The following THSD4 variants were observed in gnomAD, a reference collection of about 807,000 sequenced individuals.
THSD4 encodes thrombospondin type 1 domain containing 4.
A neutral mutation model predicts 119.0 loss-of-function variants in THSD4; 69 were observed. The observed-to-expected ratio is 0.58, with a 90% confidence interval of 0.48 to 0.71. The LOEUF is 0.71. Ranked by LOEUF, THSD4 falls within the 30% of genes least tolerant of loss-of-function variation. The pLI, the probability that THSD4 is intolerant of heterozygous loss-of-function variation, is 0.00. For missense variants in THSD4, 1,393 were observed against 1,391.1 expected, an observed-to-expected ratio of 1.00 and a Z score of -0.02; for synonymous variants, 524 against 540.4, an observed-to-expected ratio of 0.97 and a Z score of 0.42.
At chr15:71,444,396 C>T (rs1173008460) in intron 7 of THSD4, among the ~76,000 whole-genome samples, 1 of 152,198 alleles carries the variant, frequency 6.6e-6, no homozygotes, top group Non-Finnish European at 1.5e-5. Flanking sequence ...CTTCTACAGC[C>T]ACTGGTGTCA....
intron 6 of THSD4, among the ~76,000 whole-genome samples, chr15:71,260,487 C>G (rs984960234): frequency 7.2e-5 from 11 of 152,024 alleles, no homozygotes; most frequent in Non-Finnish European, 1.6e-4. Flanking sequence ...GAGCATTATT[C>G]ATTGGTGGAT....
intron 7 of THSD4, among the ~76,000 whole-genome samples, chr15:71,412,724 A>C (rs114499096): frequency 1.3e-5 from 2 of 152,172 alleles, no homozygotes; most frequent in Non-Finnish European, 2.9e-5. Flanking sequence ...GTTATTTGTG[A>C]GCACAACCTA....
At chr15:71,571,945 T>C (rs2049366853) in intron 7 of THSD4, among the ~76,000 whole-genome samples, 1 of 152,232 alleles carries the variant, frequency 6.6e-6, no homozygotes, top group South Asian at 2.1e-4. Context: ...TTCTTCAGCA[T>C]CTTAGAAGAG....
At chr15:71,186,460 A>C (rs2043604557) in intron 3 of THSD4, 1 of 152,224 alleles carries the variant, frequency 6.6e-6, no homozygotes. Flanking sequence ...CCACTTAATT[A>C]GATAATGTTC....
At chr15:71,699,747 A>G (rs956608342) in intron 8 of THSD4, among the ~76,000 whole-genome samples, 2 of 152,224 alleles carry the variant, frequency 1.3e-5, no homozygotes, top group Non-Finnish European at 2.9e-5. Context: ...TTTCGTGGCC[A>G]GTCTCATCAG....
chr15:71,277,289 C>G (rs527899187), intron 6 of THSD4, among the ~76,000 whole-genome samples: 1 of 152,198 alleles, frequency 6.6e-6, no homozygotes, highest in East Asian at 1.9e-4. Flanking sequence ...CCACGCCCAC[C>G]TAATGTTTGT....
intron 6 of THSD4, among the ~76,000 whole-genome samples, chr15:71,319,410 C>A (rs2045236934): frequency 6.9e-6 from 1 of 144,836 alleles, no homozygotes; most frequent in Non-Finnish European, 1.5e-5. Flanking sequence ...CCCCCCACCC[C>A]ACAACAGGTC....
In THSD4 at chr15:71,189,526, C is replaced by T. The variant is rs562044093; in HGVS notation, c.100-25509C>T. On this transcript the variant is annotated intron_variant, in intron 3 of 17. Transcript: ENST00000261862. ...TCTACTAAAAATACAAAAAATTAGC[C>T]AGGCGCAGTGGCGGGCACCTGCAGT... Among the ~76,000 whole-genome samples the T allele has an allele frequency of 3.9e-5, 6 of 152,190 alleles. No individual in the cohort carries two copies. The East Asian group carries it at 1.2e-3, about 30-fold the overall frequency.
chr15:71,530,482 T>C (rs2048591139), intron 7 of THSD4, among the ~76,000 whole-genome samples: 2 of 152,290 alleles, frequency 1.3e-5, no homozygotes, highest in South Asian at 2.1e-4. Context: ...GCAGTGGTTT[T>C]TGGGTGTGAG....
chr15:71,572,510 G>T (rs1186644931), intron 7 of THSD4, among the ~76,000 whole-genome samples: 4 of 152,148 alleles, frequency 2.6e-5, no homozygotes, highest in Admixed American at 2.6e-4. Context: ...CACTGGGCTG[G>T]CTCTAGGGTA....
chr15:71,671,356 T>C (rs1409690183), intron 8 of THSD4, among the ~76,000 whole-genome samples: 1 of 152,252 alleles, frequency 6.6e-6, no homozygotes, highest in Non-Finnish European at 1.5e-5. Flanking sequence ...GGAAATTTGT[T>C]TAAGTTCTTT....
intron 6 of THSD4, among the ~76,000 whole-genome samples, chr15:71,363,024 G>T (rs1267054091): frequency 6.6e-6 from 1 of 151,074 alleles, no homozygotes; most frequent in Non-Finnish European, 1.5e-5. Context: ...TTTTAAGAAA[G>T]CTCTTGAATT....
intron 7 of THSD4, among the ~76,000 whole-genome samples, chr15:71,576,033 C>G (rs974577917): frequency 2.0e-5 from 3 of 151,670 alleles, no homozygotes; most frequent in Non-Finnish European, 2.9e-5. Flanking sequence ...GAGATTATGT[C>G]CTCTGCAGTT....
At chr15:71,500,150 A>G (rs1215653043) in intron 7 of THSD4, among the ~76,000 whole-genome samples, 1 of 151,968 alleles carries the variant, frequency 6.6e-6, no homozygotes, top group African/African-American at 2.4e-5. Context: ...GCTTGTTATT[A>G]TCTATTTTTT....
chr15:71,328,669 A>C (rs1253591767), intron 6 of THSD4, among the ~76,000 whole-genome samples: 1 of 152,180 alleles, frequency 6.6e-6, no homozygotes, highest in Non-Finnish European at 1.5e-5. Context: ...GAAAAAGTCC[A>C]CTTTCCATGG....
intron 17 of THSD4, among the ~76,000 whole-genome samples, chr15:71,772,310 C>T (rs1282681778): frequency 6.6e-6 from 1 of 152,094 alleles, no homozygotes; most frequent in African/African-American, 2.4e-5. Flanking sequence ...CATAAGTTTC[C>T]TATGTCCCAG....
intron 7 of THSD4, among the ~76,000 whole-genome samples, chr15:71,596,347 CAA>C (rs984783973): frequency 1.3e-5 from 2 of 152,164 alleles, no homozygotes; most frequent in African/African-American, 4.8e-5. Flanking sequence ...AGTACAAACA[CAA>C]GATAATTATC....
At chr15:71,626,129 A>G (rs1268985653) in intron 7 of THSD4, among the ~76,000 whole-genome samples, 1 of 152,140 alleles carries the variant, frequency 6.6e-6, no homozygotes, top group Non-Finnish European at 1.5e-5. Context: ...GTTATTTTGC[A>G]TTCTTTTTGT....
chr15:71,613,288 A>G (rs1252981134), intron 7 of THSD4, among the ~76,000 whole-genome samples: 1 of 152,142 alleles, frequency 6.6e-6, no homozygotes, highest in Non-Finnish European at 1.5e-5. Flanking sequence ...AGCCTCTAGG[A>G]TATCTTGCAC....
Sources: gnomAD v4.1 joint callset for allele counts (sites outside exome capture counted in the v4.1 genomes callset) on GRCh38, gnomAD v4.1.1 for gene constraint, MANE v1.5 for transcripts, NCBI Gene and HGNC (gene_info 2026-07-23, HGNC 2026-07-21) for gene names.